Variants in ADPRHL1 observed in about 807,000 individuals in gnomAD.
ADPRHL1 encodes the protein ADP-ribosylhydrolase like 1.
ADPRHL1 carries 43 observed loss-of-function variants against 44.1 expected under a neutral mutation model. That is an observed-to-expected ratio of 0.98 (90% CI 0.76 to 1.26). The LOEUF is 1.26. Ranked by LOEUF, ADPRHL1 falls within the 50% of genes most tolerant of loss-of-function variation. The probability of loss-of-function intolerance (pLI) is 0.00; values close to 1 mark genes in which losing one functional copy is unlikely to be tolerated. For missense variants in ADPRHL1, 2,022 were observed against 2,496.9 expected (o/e 0.81, Z 4.05); for synonymous variants, 878 against 1,017.4 (o/e 0.86, Z 2.61).
intron 2 of ADPRHL1, 53 bp downstream of exon 2, chr13:113,444,372 C>A: frequency 6.3e-7 from 1 of 1,589,068 alleles, no homozygotes; most frequent in Non-Finnish European, 8.6e-7. Context: ...TGGTTAGGAC[C>A]GCAGGGTCCC....
intron 2 of ADPRHL1, among the ~76,000 whole-genome samples, chr13:113,440,372 T>C (rs1361953879): frequency 6.6e-6 from 1 of 152,234 alleles, no homozygotes; most frequent in East Asian, 1.9e-4. Context: ...GGGAATATTC[T>C]TTGCTCCAAA....
At position 113,409,861 on chromosome 13, in the gene ADPRHL1, C is replaced by A; in HGVS notation, c.1062-1641G>T. 5.4e-6 allele frequency: 5 copies of A among 917,660 alleles called. No individual in the cohort carries two copies. The highest frequency in any genetic ancestry group is 6.4e-6 in the Non-Finnish European group (5 of 777,096). 56.8% of individuals were successfully genotyped at this position (917,660 alleles called of 1,614,324 possible). ...CCGAGATCGCACCACTGCACTCCAGCCTGAGCGACAGAGCGAGACTCCGTC... is the reference window on the plus strand; with the variant it reads ...CCGAGATCGCACCACTGCACTCCAGACTGAGCGACAGAGCGAGACTCCGTC... On this transcript the variant is annotated intron_variant, in intron 7 of 7. Transcript: ENST00000612156. This position sits in a 1 kb window ranked among gnomAD's most constrained non-coding sequence, Gnocchi z 4.2.
At chr13:113,429,615 G>A (rs1163256587) in intron 3 of ADPRHL1, among the ~76,000 whole-genome samples, 1 of 152,246 alleles carries the variant, frequency 6.6e-6, no homozygotes, top group African/African-American at 2.4e-5. Context: ...ACCGCGTCAC[G>A]TAGACCTTTA....
rs903078764 is a variant in ADPRHL1, at chr13:113,401,788, C to A, written c.*1590G>T. On this transcript the variant is annotated 3_prime_UTR_variant, in exon 8 of 8. Coordinates refer to ENST00000612156, the MANE Select transcript of ADPRHL1 (RefSeq NM_001394807.1). The surrounding 1 kb of genome is among the most constrained non-coding windows in gnomAD (Gnocchi z 5.5). ...GTTCGACTGGAAGGAAACCTGTGCGCTCCCCGGAGCATGACGCCACGCCGC... is the reference window on the plus strand; with the variant it reads ...GTTCGACTGGAAGGAAACCTGTGCGATCCCCGGAGCATGACGCCACGCCGC... The A allele has an allele frequency of 6.6e-6, 1 of 152,388 alleles. No individual in the cohort carries two copies. The highest frequency in any genetic ancestry group is 2.4e-5 in the African/African-American group (1 of 41,586). 9.4% of individuals were successfully genotyped at this position (152,388 alleles called of 1,614,324 possible). A position where few individuals can be genotyped will look rare whatever the true frequency, so the allele number is the denominator to read the frequency against.
chr13:113,439,914 G>A (rs925289106), intron 2 of ADPRHL1, among the ~76,000 whole-genome samples: 18 of 151,974 alleles, frequency 1.2e-4, no homozygotes, highest in African/African-American at 4.1e-4. Context: ...CTTAATTTCC[G>A]TAGACTCTGG....
intron 4 of ADPRHL1, 37 bp downstream of exon 4, chr13:113,428,915 G>C: frequency 6.2e-7 from 1 of 1,610,150 alleles, no homozygotes; most frequent in South Asian, 1.1e-5. Flanking sequence ...GTCCAGATCT[G>C]CTCTGAGTGC....
Position 113,399,696 on chromosome 13 carries a change from C to T in ADPRHL1, c.*3682G>A, listed in dbSNP as rs1424746552. ...AATACAGAGAGAATACAACAAATGA[C>T]ATTTAGTAATTTTTTCTGACTAACC... On this transcript the variant is annotated 3_prime_UTR_variant, in exon 8 of 8. Coordinates refer to ENST00000612156, the MANE Select transcript of ADPRHL1 (RefSeq NM_001394807.1). 6.6e-6 allele frequency: 1 copy of T among 152,098 alleles called. No individual in the cohort carries two copies. The highest frequency in any genetic ancestry group is 1.5e-5 in the Non-Finnish European group (1 of 67,974). The allele number at this position is 152,098 out of a possible 1,614,324, so 9.4% of individuals were successfully genotyped here. A position where few individuals can be genotyped will look rare whatever the true frequency, so the allele number is the denominator to read the frequency against.
At chr13:113,449,336 G>T in intron 1 of ADPRHL1, 1 of 515,638 alleles carries the variant, frequency 1.9e-6, no homozygotes, top group Non-Finnish European at 2.5e-6. Context: ...TCACCCGGAA[G>T]GAGGGAGCCC....
chr13:113,442,629 T>C (rs2044107034), intron 2 of ADPRHL1, among the ~76,000 whole-genome samples: 1 of 152,240 alleles, frequency 6.6e-6, no homozygotes, highest in African/African-American at 2.4e-5. Context: ...TCAAGATTCT[T>C]CTTGAGTATT....
In ADPRHL1 at chr13:113,403,560, C is replaced by A; in HGVS notation, c.5722G>T (p.Asp1908Tyr). The change falls in exon 8 of 8, where the codon GAC becomes TAC. Residue 1908 changes from aspartate (D) to tyrosine (Y), a missense_variant. Physicochemically the swap from Asp to Tyr is radical, Grantham distance 160. This residue lies in a region of ADPRHL1 where 205 missense variants were observed against 250.1 expected (regional missense o/e 0.82). Transcript: ENST00000612156. ...PQAPAQEGSP[D>Y]HPGAERALQD... The stretch of plus-strand genomic sequence containing the variant: ...AGGGCCCTCTCAGCCCCAGGGTGGT[C>A]TGGGGACCCCTCCTGGGCCGGGGCC... 1 of 1,231,762 alleles carries A rather than the reference C, an allele frequency of 8.1e-7. No individual in the cohort carries two copies. Among genetic ancestry groups the A allele is most frequent in the Non-Finnish European group, 1.0e-6 (1 of 987,928 alleles). The allele number at this position is 1,231,762 out of a possible 1,614,324, so 76.3% of individuals were successfully genotyped here.
intron 1 of ADPRHL1, among the ~76,000 whole-genome samples, chr13:113,451,077 G>A (rs1175776515): frequency 1.3e-5 from 2 of 152,134 alleles, no homozygotes; most frequent in African/African-American, 4.8e-5. Flanking sequence ...GCTAGACCAA[G>A]GAGCCATCTG....
At chr13:113,410,371 G>A (rs1200911239) in intron 7 of ADPRHL1, among the ~76,000 whole-genome samples, 1 of 152,174 alleles carries the variant, frequency 6.6e-6, no homozygotes, top group Non-Finnish European at 1.5e-5. Context: ...CTGGGAATCT[G>A]CATTTTAACG....
Position 113,440,542 on chromosome 13 carries a change from G to A in ADPRHL1, c.379+3883C>T, listed in dbSNP as rs1447395882. On this transcript the variant is annotated intron_variant, in intron 2 of 7. Coordinates refer to ENST00000612156, the MANE Select transcript of ADPRHL1 (RefSeq NM_001394807.1). ...ACGATCTCAGCTCACTGCAACCTCC[G>A]CCTCCTGGGTTCAAGCAATTCTCCT... 2.7e-5 allele frequency among the ~76,000 whole-genome samples: 4 copies of A among 150,416 alleles called. No individual in the cohort carries two copies. In the South Asian group the frequency reaches 6.3e-4, roughly 24 times the overall value.
intron 3 of ADPRHL1, among the ~76,000 whole-genome samples, chr13:113,430,636 G>A (rs965042193): frequency 2.0e-5 from 3 of 152,272 alleles, no homozygotes; most frequent in Admixed American, 6.5e-5. Context: ...AGTGGTGACA[G>A]GACCAGTAGC....
chr13:113,421,351 C>T lies in ADPRHL1; in HGVS notation c.1061+1475G>A, dbSNP rs551895387. 2.1e-5 allele frequency among the ~76,000 whole-genome samples: 3 copies of T among 141,658 alleles called. No homozygotes were observed. In the South Asian group the frequency reaches 6.8e-4, roughly 32 times the overall value. 92.9% of individuals were successfully genotyped at this position (141,658 alleles called of 152,430 possible). A position where few individuals can be genotyped will look rare whatever the true frequency, so the allele number is the denominator to read the frequency against. ...CACGCCCACCCCCGGGACACGCCCACTCCCGGGACACCTCTACCCCTGGGA... is the reference window on the plus strand; with the variant it reads ...CACGCCCACCCCCGGGACACGCCCATTCCCGGGACACCTCTACCCCTGGGA... On this transcript the variant is annotated intron_variant, in intron 7 of 7. Transcript: ENST00000612156.
At chr13:113,437,653 G>A (rs1217254598) in intron 2 of ADPRHL1, among the ~76,000 whole-genome samples, 1 of 152,154 alleles carries the variant, frequency 6.6e-6, no homozygotes, top group Non-Finnish European at 1.5e-5. Flanking sequence ...CCTTTTTATG[G>A]CTGAATAGCT....
chr13:113,445,452 C>G (rs1454282732), intron 1 of ADPRHL1, among the ~76,000 whole-genome samples: 1 of 152,248 alleles, frequency 6.6e-6, no homozygotes, highest in Non-Finnish European at 1.5e-5. Context: ...CGGATGCCCA[C>G]CAGGTGGGGC....
intron 7 of ADPRHL1, among the ~76,000 whole-genome samples, chr13:113,410,260 C>T (rs2043842340): frequency 6.6e-6 from 1 of 152,166 alleles, no homozygotes; most frequent in Non-Finnish European, 1.5e-5. Flanking sequence ...TGCCGTTCGC[C>T]CCCAAACCCC....
At chr13:113,446,823 T>C (rs570420599) in intron 1 of ADPRHL1, among the ~76,000 whole-genome samples, 3 of 152,262 alleles carry the variant, frequency 2.0e-5, no homozygotes, top group Admixed American at 2.0e-4. Context: ...CGCACAGTGT[T>C]GTCTACATGC....
Sources: allele counts gnomAD v4.1 joint callset (sites outside exome capture counted in the v4.1 genomes callset), GRCh38; gene constraint gnomAD v4.1.1; regional missense constraint gnomAD v4.1.1; non-coding constraint Gnocchi (gnomAD v3.1); transcripts MANE v1.5; gene names NCBI Gene and HGNC (gene_info 2026-07-23, HGNC 2026-07-21).